Variants in BANK1 observed in about 807,000 individuals in gnomAD.
The protein encoded by BANK1 is B-cell scaffold protein with ankyrin repeats.
A neutral mutation model predicts 94.5 loss-of-function variants in BANK1; 95 were observed. The ratio of observed to expected loss-of-function variants is 1.00; its 90% CI spans 0.85 to 1.19. BANK1 has a LOEUF of 1.19. BANK1 is among the 50% of genes most tolerant of loss of function. BANK1 has a pLI of 0.00. For missense variants in BANK1, 987 were observed against 932.2 expected (o/e 1.06, Z -0.77); for synonymous variants, 334 against 308.4 (o/e 1.08, Z -0.87).
In BANK1 at chr4:101,995,306, T is replaced by G. The variant is rs529267541; in HGVS notation, c.1207-26208T>G. On this transcript the variant is annotated intron_variant, in intron 7 of 16. Transcript: ENST00000322953. ...TTCTTTATGGCTGCATAGTACTCCA[T>G]GTTGTATATGTGTCACATTTGCTTT... Among the ~76,000 whole-genome samples, 135 of 152,326 alleles carry G rather than the reference T, an allele frequency of 8.9e-4. 1 individual carries two copies. Among genetic ancestry groups the G allele is most frequent in the African/African-American group, 3.1e-3 (128 of 41,574 alleles).
At chr4:102,015,920 C>T (rs1229047633) in intron 7 of BANK1, among the ~76,000 whole-genome samples, 1 of 152,158 alleles carries the variant, frequency 6.6e-6, no homozygotes, top group Non-Finnish European at 1.5e-5. Flanking sequence ...GAAACAATTA[C>T]ATACACCAAA....
chr4:101,994,693 G>T (rs918094359), intron 7 of BANK1, among the ~76,000 whole-genome samples: 1 of 152,122 alleles, frequency 6.6e-6, no homozygotes, highest in Admixed American at 6.6e-5. Context: ...TGTTAGCAAA[G>T]CAGGAAACCT....
At chr4:101,896,142 A>C (rs1722070553) in intron 6 of BANK1, among the ~76,000 whole-genome samples, 1 of 152,002 alleles carries the variant, frequency 6.6e-6, no homozygotes. Context: ...GGAGATATAC[A>C]TGAAAAATTA....
intron 7 of BANK1, among the ~76,000 whole-genome samples, chr4:101,959,352 C>T (rs1304032458): frequency 1.3e-5 from 2 of 151,996 alleles, no homozygotes; most frequent in African/African-American, 4.8e-5. Flanking sequence ...ATTGGCCAGG[C>T]TGGTCTCAAA....
intron 1 of BANK1, among the ~76,000 whole-genome samples, chr4:101,810,414 A>G (rs1174933059): frequency 1.3e-5 from 2 of 152,220 alleles, no homozygotes; most frequent in Non-Finnish European, 2.9e-5. Context: ...AATACTGCAG[A>G]TAGGACCTTC....
intron 3 of BANK1, among the ~76,000 whole-genome samples, chr4:101,857,567 C>A (rs773180871): frequency 1.8e-4 from 28 of 152,288 alleles, no homozygotes; most frequent in Middle Eastern, 6.8e-3. Flanking sequence ...CTACCTATGA[C>A]CCTTGGAGCT....
intron 2 of BANK1, among the ~76,000 whole-genome samples, chr4:101,830,810 G>T (rs949651264): frequency 6.6e-5 from 10 of 152,108 alleles, no homozygotes; most frequent in Admixed American, 6.5e-4. Flanking sequence ...GGTTTCCTTA[G>T]TCTGCCCTTT....
chr4:102,048,042 A>T (rs1320499803), intron 11 of BANK1, among the ~76,000 whole-genome samples: 1 of 152,188 alleles, frequency 6.6e-6, no homozygotes, highest in Non-Finnish European at 1.5e-5. Flanking sequence ...CTAGATTTTT[A>T]AAAATTCTGT....
chr4:101,948,187 C>T (rs1339314818), intron 7 of BANK1, among the ~76,000 whole-genome samples: 1 of 151,892 alleles, frequency 6.6e-6, no homozygotes, highest in African/African-American at 2.4e-5. Flanking sequence ...TGAGACTAGC[C>T]CTACAAAAGA....
chr4:102,063,115 G>C lies in BANK1; in HGVS notation c.2189G>C (p.Arg730Thr). ...RQLRDCIIGK[R>T]PEEENVYNKL... ...CTACGAGACTGCATTATTGGGAAAAGGCCAGAAGAAGAAAATGTCTATAGT... is the reference window on the plus strand; with the variant it reads ...CTACGAGACTGCATTATTGGGAAAACGCCAGAAGAAGAAAATGTCTATAGT... Residue 730 changes from arginine (R) to threonine (T), a missense_variant, in exon 13 of 17, where the codon AGG (arginine) becomes ACG (threonine). Physicochemically the swap from Arg to Thr is moderately conservative, Grantham distance 71. Coordinates refer to ENST00000322953, the MANE Select transcript of BANK1 (RefSeq NM_017935.5). 2 of 1,613,486 alleles carry C rather than the reference G, an allele frequency of 1.2e-6. No individual in the cohort carries two copies. Among genetic ancestry groups the C allele is most frequent in the Non-Finnish European group, 1.7e-6 (2 of 1,179,546 alleles).
chr4:101,976,043 T>C (rs560925469), intron 7 of BANK1, among the ~76,000 whole-genome samples: 2 of 152,266 alleles, frequency 1.3e-5, no homozygotes, highest in East Asian at 3.9e-4. Flanking sequence ...AATTAATTCA[T>C]TCAGTAAATA....
At position 101,866,698 on chromosome 4, in the gene BANK1, AT is replaced by A. The variant is rs1728083206; in HGVS notation, c.764-3806del. Among the ~76,000 whole-genome samples the A allele has an allele frequency of 8.0e-5, 4 of 50,206 alleles. 2 individuals carry two copies. The highest frequency in any genetic ancestry group is 1.6e-4 in the Non-Finnish European group (4 of 25,550). 32.9% of individuals were successfully genotyped at this position (50,206 alleles called of 152,430 possible). Reference sequence around the variant, plus strand: ...CCAAAGGACTATAAATCATGCTGCTATAAAGACACATGCACACGTATGTTTA... The same window carrying A: ...CCAAAGGACTATAAATCATGCTGCTAAAAGACACATGCACACGTATGTTTA... On this transcript the variant is annotated intron_variant, in intron 4 of 16. Coordinates refer to ENST00000322953, the MANE Select transcript of BANK1 (RefSeq NM_017935.5).
At chr4:101,808,097 G>T (rs1049879915) in intron 1 of BANK1, among the ~76,000 whole-genome samples, 11 of 80,672 alleles carry the variant, frequency 1.4e-4, no homozygotes, top group Non-Finnish European at 2.2e-4. Context: ...AAAAAAAAAA[G>T]AAATGAAATT....
At chr4:101,901,891 G>A (rs903225945) in intron 6 of BANK1, among the ~76,000 whole-genome samples, 1 of 152,066 alleles carries the variant, frequency 6.6e-6, no homozygotes, top group Non-Finnish European at 1.5e-5. Flanking sequence ...CTCCTGAGTA[G>A]CCGGGACTAC....
At chr4:101,835,616 AAAC>A in intron 2 of BANK1, among the ~76,000 whole-genome samples, 1 of 152,358 alleles carries the variant, frequency 6.6e-6, no homozygotes, top group African/African-American at 2.4e-5. Flanking sequence ...AAAACAAAAC[AAAC>A]AACAGAACAG....
chr4:101,837,065 A>G (rs528782220), intron 2 of BANK1, among the ~76,000 whole-genome samples: 39 of 152,308 alleles, frequency 2.6e-4, no homozygotes, highest in Non-Finnish European at 5.3e-4. Context: ...TACGTCACCT[A>G]TGGAATAAAG....
At chr4:101,949,393 A>T (rs1400838586) in intron 7 of BANK1, among the ~76,000 whole-genome samples, 1 of 152,096 alleles carries the variant, frequency 6.6e-6, no homozygotes, top group Non-Finnish European at 1.5e-5. Flanking sequence ...AAGACAAAAG[A>T]CAGGGATATC....
chr4:101,908,058 T>G (rs1722521222), intron 6 of BANK1, among the ~76,000 whole-genome samples: 1 of 152,138 alleles, frequency 6.6e-6, no homozygotes, highest in African/African-American at 2.4e-5. Context: ...AAAACTACTT[T>G]AAAGGTCATA....
At chr4:101,848,176 A>G (rs554529348) in intron 2 of BANK1, among the ~76,000 whole-genome samples, 1 of 152,176 alleles carries the variant, frequency 6.6e-6, no homozygotes, top group South Asian at 2.1e-4. Context: ...TCTCTTTCCC[A>G]CTTCCGCAGT....
Sources: gnomAD v4.1 joint callset for allele counts (sites outside exome capture counted in the v4.1 genomes callset) on GRCh38, gnomAD v4.1.1 for gene constraint, MANE v1.5 for transcripts, NCBI Gene and HGNC (gene_info 2026-07-23, HGNC 2026-07-21) for gene names.